The following PDE4B variants were observed in gnomAD, a reference collection of about 807,000 sequenced individuals.
PDE4B encodes the protein 3',5'-cyclic-AMP phosphodiesterase 4B.
PDE4B carries 20 observed loss-of-function variants against 82.2 expected under a neutral mutation model. The ratio of observed to expected loss-of-function variants is 0.24; its 90% confidence interval spans 0.17 to 0.35. The LOEUF (loss-of-function observed/expected upper bound fraction) is 0.35. Ranked by LOEUF, PDE4B falls within the 10% of genes least tolerant of loss-of-function variation. The pLI is 1.00. For missense variants in PDE4B, 655 were observed against 907.2 expected (o/e 0.72, Z 3.57); for synonymous variants, 320 against 318.9 (o/e 1.00, Z -0.04).
chr1:66,189,675 C>T (rs1462538497), intron 3 of PDE4B, among the ~76,000 whole-genome samples: 2 of 152,164 alleles, frequency 1.3e-5, no homozygotes, highest in African/African-American at 4.8e-5. Flanking sequence ...CCATGGTTTT[C>T]AGCTCCCTCA....
At chr1:66,099,799 G>A (rs571715179) in intron 3 of PDE4B, among the ~76,000 whole-genome samples, 2 of 152,052 alleles carry the variant, frequency 1.3e-5, no homozygotes, top group African/African-American at 4.8e-5. Flanking sequence ...ATGTGGTCTT[G>A]TCATGGAGCA....
intron 3 of PDE4B, among the ~76,000 whole-genome samples, chr1:66,182,784 A>C (rs1647097419): frequency 2.0e-5 from 3 of 152,176 alleles, no homozygotes; most frequent in African/African-American, 7.2e-5. Flanking sequence ...GAAACAGAAA[A>C]ACAGTGATTC....
chr1:65,948,332 CT>C (rs1275896528), intron 3 of PDE4B, among the ~76,000 whole-genome samples: 1 of 151,668 alleles, frequency 6.6e-6, no homozygotes, highest in Non-Finnish European at 1.5e-5. Flanking sequence ...TATATGAGAG[CT>C]TATTATGTAT....
chr1:66,091,184 G>T (rs1434963210), intron 3 of PDE4B, among the ~76,000 whole-genome samples: 1 of 151,952 alleles, frequency 6.6e-6, no homozygotes, highest in African/African-American at 2.4e-5. Flanking sequence ...AAAAAAAAGT[G>T]ACCGTAACTT....
At chr1:65,864,083 T>A (rs1358784887) in intron 1 of PDE4B, among the ~76,000 whole-genome samples, 1 of 152,050 alleles carries the variant, frequency 6.6e-6, no homozygotes, top group East Asian at 1.9e-4. Flanking sequence ...ACTGTAATCT[T>A]GTCTTTATAC....
chr1:65,853,574 G>T (rs907394268), intron 1 of PDE4B, among the ~76,000 whole-genome samples: 2 of 150,958 alleles, frequency 1.3e-5, no homozygotes, highest in Non-Finnish European at 2.9e-5. Flanking sequence ...TCTGTCGCCA[G>T]GCTAGAGTCC....
chr1:66,102,283 A>G (rs2101024459), intron 3 of PDE4B, among the ~76,000 whole-genome samples: 1 of 152,234 alleles, frequency 6.6e-6, no homozygotes, highest in South Asian at 2.1e-4. Context: ...TCTCCTTTAA[A>G]TATGGAATTT....
intron 3 of PDE4B, among the ~76,000 whole-genome samples, chr1:66,072,091 G>A (rs796325822): frequency 4.5e-4 from 68 of 152,068 alleles, no homozygotes; most frequent in African/African-American, 1.4e-3. Flanking sequence ...GCCACCACAC[G>A]TACATGTACA....
Position 66,014,160 on chromosome 1 carries a change from T to C in PDE4B, c.281+95325T>C, listed in dbSNP as rs767788096. ...ATTGGCTTGCTGTGTTGTTGTTGAG[T>C]TGTAGGAATTCTTTATATATTCTAG... On this transcript the variant is annotated intron_variant, in intron 3 of 16. Transcript: ENST00000341517. 4.6e-5 allele frequency among the ~76,000 whole-genome samples: 7 copies of C among 152,244 alleles called. No individual in the cohort carries two copies. In the East Asian group the frequency reaches 1.4e-3, roughly 29 times the overall value.
At chr1:65,950,744 T>C (rs1285928383) in intron 3 of PDE4B, among the ~76,000 whole-genome samples, 2 of 152,066 alleles carry the variant, frequency 1.3e-5, no homozygotes, top group African/African-American at 4.8e-5. Context: ...GGCTTCCATC[T>C]GGTTCAGGGC....
rs1180453457 is a variant in PDE4B at position 66,372,550 on chromosome 1, G to A, written c.2083G>A (p.Glu695Lys). Residue 695 changes from glutamate to lysine, a missense_variant, in exon 17 of 17, where the codon GAG (glutamate) becomes AAG (lysine). Glu to Lys is a moderately conservative substitution (Grantham distance 56). Around this residue, in one of 3 missense-constraint regions of PDE4B, gnomAD observed 119 missense variants for 115.2 expected, o/e 1.03. Coordinates refer to ENST00000341517, the MANE Select transcript of PDE4B (RefSeq NM_002600.4). ...GGAAGATTCTGAAGGACCTGAGAAG[G>A]AGGGAGAGGGACACAGCTATTTCAG... ...DEEDSEGPEKEGEGHSYFSST... is the reference protein window; with the variant it reads ...DEEDSEGPEKKGEGHSYFSST... 12 of 1,614,044 alleles carry A rather than the reference G, an allele frequency of 7.4e-6. No individual in the cohort carries two copies. Among genetic ancestry groups the A allele is most frequent in the Middle Eastern group, 1.6e-4 (1 of 6,084 alleles).
intron 3 of PDE4B, among the ~76,000 whole-genome samples, chr1:66,039,692 GTCATACAGT>G (rs1245690190): frequency 1.3e-5 from 2 of 151,950 alleles, no homozygotes; most frequent in Non-Finnish European, 2.9e-5. Context: ...ACTCAGAAAT[GTCATACAGT>G]CACTGAGCCT....
chr1:66,370,911 A>C (rs2050733760), intron 16 of PDE4B, among the ~76,000 whole-genome samples: 1 of 151,604 alleles, frequency 6.6e-6, no homozygotes. Context: ...AAATATCTGA[A>C]TCATGTACGG....
At chr1:66,072,427 T>G (rs1374368390) in intron 3 of PDE4B, among the ~76,000 whole-genome samples, 2 of 152,194 alleles carry the variant, frequency 1.3e-5, no homozygotes, top group African/African-American at 4.8e-5. Flanking sequence ...TATTTCCTTA[T>G]AATTTCTCTA....
intron 3 of PDE4B, among the ~76,000 whole-genome samples, chr1:66,133,121 G>A (rs1173355187): frequency 6.6e-6 from 1 of 152,170 alleles, no homozygotes; most frequent in African/African-American, 2.4e-5. Context: ...AAAATAGGAG[G>A]AAGAGGAGGA....
chr1:65,888,528 T>C (rs546953448), intron 1 of PDE4B, among the ~76,000 whole-genome samples: 4 of 152,296 alleles, frequency 2.6e-5, no homozygotes, highest in African/African-American at 9.6e-5. Context: ...AATCTGCAAA[T>C]TGCTTTGGAC....
intron 8 of PDE4B, chr1:66,354,397 T>G (rs1662068466): frequency 1.0e-5 from 10 of 986,694 alleles, no homozygotes; most frequent in Non-Finnish European, 1.2e-5. Flanking sequence ...AATCTTCTCC[T>G]TTTTAAAAGA....
chr1:66,176,579 AG>A (rs1646936023), intron 3 of PDE4B, among the ~76,000 whole-genome samples: 1 of 152,260 alleles, frequency 6.6e-6, no homozygotes, highest in African/African-American at 2.4e-5. Context: ...TCATATTAAA[AG>A]ATAATCAAGT....
At chr1:66,368,167 C>A in intron 15 of PDE4B, 102 bp downstream of exon 15, 1 of 1,199,148 alleles carries the variant, frequency 8.3e-7, no homozygotes, top group Non-Finnish European at 1.2e-6. Context: ...TTGGTATATC[C>A]TAGGCTACTC....
Sources: allele counts gnomAD v4.1 joint callset (sites outside exome capture counted in the v4.1 genomes callset), GRCh38; gene constraint gnomAD v4.1.1; regional missense constraint gnomAD v4.1.1; transcripts MANE v1.5; gene names NCBI Gene and HGNC (gene_info 2026-07-23, HGNC 2026-07-21).